The following ZNF717 variants were observed in gnomAD, a reference collection of about 807,000 sequenced individuals.
ZNF717 encodes zinc finger protein 717, also known as krueppel-like factor X17.
A neutral mutation model predicts 13.8 loss-of-function variants in ZNF717; 9 were observed. The observed-to-expected ratio is 0.65, with a 90% CI of 0.39 to 1.14. The LOEUF is 1.14. Among genes scored for constraint, ZNF717 ranks in the 50% most tolerant of loss-of-function variants. The pLI, the probability that ZNF717 is intolerant of heterozygous loss-of-function variation, is 0.01. For missense variants in ZNF717, 1,040 were observed against 1,080.7 expected (o/e 0.96, Z 0.53); for synonymous variants, 327 against 364.1 (o/e 0.90, Z 1.16).
At chr3:75,753,448 T>A (rs1462071593) in intron 2 of ZNF717, among the ~76,000 whole-genome samples, 2 of 151,588 alleles carry the variant, frequency 1.3e-5, no homozygotes, top group African/African-American at 4.9e-5. Flanking sequence ...AGGGTCTGAA[T>A]GTTTGTCCCT....
rs1233865425 is a variant in ZNF717 at position 75,737,009 on chromosome 3, A to G, written c.2614T>C (p.Cys872Arg). 1 of 1,597,134 alleles carries G rather than the reference A, an allele frequency of 6.3e-7. No homozygotes were observed. The highest frequency in any genetic ancestry group is 1.3e-5 in the African/African-American group (1 of 74,394). The change falls in exon 5 of 5, where the codon TGT becomes CGT. Residue 872 changes from cysteine to arginine, a missense_variant. By Grantham distance (180) the Cys-to-Arg change is radical. This residue lies in a region of ZNF717 where 44 missense variants were observed against 70.1 expected (regional missense o/e 0.63). Transcript: ENST00000652011. ...RTHTGEKPYE[C>R]KECGKTFCQK... Reference sequence around the variant, plus strand: ...CAAAAGGTTTTCCCACATTCCTTACATTCATAAGGTTTTTCTCCTGTGTGT... The same window carrying G: ...CAAAAGGTTTTCCCACATTCCTTACGTTCATAAGGTTTTTCTCCTGTGTGT...
intron 4 of ZNF717, among the ~76,000 whole-genome samples, chr3:75,720,038 C>T (rs1938138840): frequency 6.6e-6 from 1 of 151,344 alleles, no homozygotes; most frequent in Non-Finnish European, 1.5e-5. Flanking sequence ...AAGGGAATGC[C>T]TATACACTCT....
chr3:75,767,965 C>T lies in ZNF717; in HGVS notation c.57+15341G>A, dbSNP rs370773831. Among the ~76,000 whole-genome samples, 404 of 150,702 alleles carry T rather than the reference C, an allele frequency of 2.7e-3. 1 individual carries two copies. Among genetic ancestry groups the T allele is most frequent in the African/African-American group, 6.2e-3 (254 of 41,158 alleles). Reference sequence around the variant, plus strand: ...GAAAAAGGCAGAGAAAGTTGGTCAACGGCAACCCAGGCACTGAAGGAAAAA... The same window carrying T: ...GAAAAAGGCAGAGAAAGTTGGTCAATGGCAACCCAGGCACTGAAGGAAAAA... On this transcript the variant is annotated intron_variant, in intron 2 of 4. Coordinates refer to ENST00000652011, the MANE Select transcript of ZNF717 (RefSeq NM_001290208.3).
chr3:75,735,635 T>TAAA (rs149366090), downstream of ZNF717, among the ~76,000 whole-genome samples: 13,370 of 77,690 alleles, frequency 0.17, 592 homozygotes, highest in South Asian at 0.29. Context: ...ACTGTCTCAA[T>TAAA]AAAAAAAAAA....
At chr3:75,759,758 G>A (rs1942813927) in intron 2 of ZNF717, among the ~76,000 whole-genome samples, 1 of 151,762 alleles carries the variant, frequency 6.6e-6, no homozygotes, top group Admixed American at 6.6e-5. Context: ...TAATAGAGAT[G>A]GGATTTCACC....
chr3:75,781,543 T>C (rs1034245148), intron 2 of ZNF717, among the ~76,000 whole-genome samples: 1 of 152,226 alleles, frequency 6.6e-6, no homozygotes, highest in African/African-American at 2.4e-5. Flanking sequence ...TTAACATGAA[T>C]AGACTCGTCC....
intron 5 of ZNF717, among the ~76,000 whole-genome samples, chr3:75,713,265 C>T (rs1303963121): frequency 2.0e-5 from 3 of 151,948 alleles, no homozygotes; most frequent in Non-Finnish European, 1.5e-5. Flanking sequence ...ATCCTCCCAC[C>T]TCAGCCTCCC....
At chr3:75,724,123 G>C (rs1938227072) in intron 4 of ZNF717, among the ~76,000 whole-genome samples, 1 of 152,080 alleles carries the variant, frequency 6.6e-6, no homozygotes, top group African/African-American at 2.4e-5. Flanking sequence ...CCAACCGGTA[G>C]ACAGGAGACC....
At chr3:75,775,935 T>C (rs1944281324) in intron 2 of ZNF717, among the ~76,000 whole-genome samples, 1 of 152,086 alleles carries the variant, frequency 6.6e-6, no homozygotes, top group African/African-American at 2.4e-5. Context: ...AAAACAAAAA[T>C]TGAATACCAA....
chr3:75,696,898 A>T, intron 6 of ZNF717, among the ~76,000 whole-genome samples: 1 of 141,918 alleles, frequency 7.0e-6, no homozygotes, highest in Non-Finnish European at 1.6e-5. Flanking sequence ...ATCTCAAAAA[A>T]AAAAAAAAAA....
intron 2 of ZNF717, among the ~76,000 whole-genome samples, chr3:75,761,142 A>G (rs1279201785): frequency 6.6e-6 from 1 of 152,242 alleles, no homozygotes; most frequent in Non-Finnish European, 1.5e-5. Context: ...TCAACCAGTA[A>G]TCAAAAACCC....
At chr3:75,747,173 T>C (rs1307849320) in intron 2 of ZNF717, among the ~76,000 whole-genome samples, 2 of 152,112 alleles carry the variant, frequency 1.3e-5, no homozygotes, top group Admixed American at 6.6e-5. Context: ...TAGTTGTAGA[T>C]GTGTGGTATT....
At chr3:75,776,121 T>C (rs558932163) in intron 2 of ZNF717, among the ~76,000 whole-genome samples, 16 of 152,386 alleles carry the variant, frequency 1.0e-4, no homozygotes, top group Non-Finnish European at 1.8e-4. Context: ...CTAATGTTAA[T>C]TAAGCACGGA....
chr3:75,774,680 G>C (rs1353590553), intron 2 of ZNF717, among the ~76,000 whole-genome samples: 1 of 143,486 alleles, frequency 7.0e-6, no homozygotes, highest in Non-Finnish European at 1.5e-5. Flanking sequence ...GAGTACAGTG[G>C]TGCGATCTCG....
At chr3:75,714,577 G>A (rs1402174576) in intron 5 of ZNF717, among the ~76,000 whole-genome samples, 1 of 151,740 alleles carries the variant, frequency 6.6e-6, no homozygotes, top group Non-Finnish European at 1.5e-5. Flanking sequence ...TATTACACTG[G>A]AACAGCTCTT....
At chr3:75,784,775 G>A (rs1270919818) in intron 1 of ZNF717, 1 of 152,198 alleles carries the variant, frequency 6.6e-6, no homozygotes, top group Non-Finnish European at 1.5e-5. Context: ...GGAAAACTGG[G>A]ATCTTCACCT....
At chr3:75,757,748 T>G (rs1428534650) in intron 2 of ZNF717, among the ~76,000 whole-genome samples, 1 of 152,090 alleles carries the variant, frequency 6.6e-6, no homozygotes, top group African/African-American at 2.4e-5. Flanking sequence ...GAAAATCTAC[T>G]GAAAGGATTC....
At chr3:75,698,065 T>G (rs2918566) in intron 6 of ZNF717, among the ~76,000 whole-genome samples, 1 of 124,486 alleles carries the variant, frequency 8.0e-6, no homozygotes, top group Non-Finnish European at 1.8e-5. Context: ...TGATTTAGGG[T>G]TTCTGTTGGA....
At chr3:75,718,220 G>T (rs1297643947) in intron 4 of ZNF717, among the ~76,000 whole-genome samples, 127 of 152,278 alleles carry the variant, frequency 8.3e-4, no homozygotes, top group African/African-American at 2.8e-3. Flanking sequence ...GGTGGGGAAT[G>T]GAACCCAGGC....
Sources: allele counts gnomAD v4.1 joint callset (sites outside exome capture counted in the v4.1 genomes callset), GRCh38; gene constraint gnomAD v4.1.1; regional missense constraint gnomAD v4.1.1; transcripts MANE v1.5; gene names NCBI Gene and HGNC (gene_info 2026-07-23, HGNC 2026-07-21).